RHBDF1: variants seen among roughly 807,000 people sequenced by gnomAD.
RHBDF1 encodes the protein rhomboid 5 homolog 1, also known as inactive rhomboid protein 1.
In RHBDF1, 80 loss-of-function variants were observed where a neutral mutation model predicts 98.6. The ratio of observed to expected loss-of-function variants is 0.81; its 90% CI spans 0.68 to 0.98. RHBDF1 has a LOEUF of 0.98. Ranked by LOEUF, RHBDF1 falls within the 50% of genes least tolerant of loss-of-function variation. The probability of loss-of-function intolerance (pLI) is 0.00; values close to 1 mark genes in which losing one functional copy is unlikely to be tolerated. For missense variants in RHBDF1, 1,116 were observed against 1,198.3 expected (o/e 0.93, Z 1.01); for synonymous variants, 512 against 486.8 (o/e 1.05, Z -0.68).
In RHBDF1 at chr16:62,019, C is replaced by G. The variant is rs544020672; in HGVS notation, c.987G>C (p.Glu329Asp). 2.6e-5 allele frequency: 39 copies of G among 1,527,312 alleles called. No individual in the cohort carries two copies. The African/African-American group carries it at 4.7e-4, about 18-fold the overall frequency. The allele number at this position is 1,527,312 out of a possible 1,614,324, so 94.6% of individuals were successfully genotyped here. A position where few individuals can be genotyped will look rare whatever the true frequency, so the allele number is the denominator to read the frequency against. The change falls in exon 8 of 18, where the codon GAG becomes GAC. Residue 329 changes from glutamate (E) to aspartate (D), a missense_variant. By Grantham distance (45) the Glu-to-Asp change is conservative. Coordinates refer to ENST00000262316, the MANE Select transcript of RHBDF1 (RefSeq NM_022450.5). ...PLERGWRKQKEGAAAPQPKVR... is the reference protein window; with the variant it reads ...PLERGWRKQKDGAAAPQPKVR... Reference sequence around the variant, plus strand: ...CCTTGGGCTGCGGGGCTGCGGCGCCCTCCTTCTGCTTCCGCCAGCCTCGCT... The same window carrying G: ...CCTTGGGCTGCGGGGCTGCGGCGCCGTCCTTCTGCTTCCGCCAGCCTCGCT...
rs553984729 is a variant in RHBDF1, at chr16:58,224, G to T, written c.*116C>A. 1.5e-5 allele frequency: 15 copies of T among 995,616 alleles called. No homozygotes were observed. The South Asian group carries it at 2.4e-4, about 16-fold the overall frequency. The allele number at this position is 995,616 out of a possible 1,614,324, so 61.7% of individuals were successfully genotyped here. A position where few individuals can be genotyped will look rare whatever the true frequency, so the allele number is the denominator to read the frequency against. ...GGCACAAGAAAGAGGTCTGTGTTCA[G>T]GAAACAGGCCAGTCCCCACATGGAG... is the stretch of plus-strand genomic sequence containing the variant. On this transcript the variant is annotated 3_prime_UTR_variant, in exon 18 of 18. Transcript: ENST00000262316.
At chr16:63,560 G>C in intron 4 of RHBDF1, 27 bp downstream of exon 4, 2 of 1,514,392 alleles carry the variant, frequency 1.3e-6, no homozygotes, top group Non-Finnish European at 1.8e-6. Context: ...GGAGGGGCCT[G>C]CAGGAGGCAG....
At chr16:63,321 C>T (rs1363717261) in intron 4 of RHBDF1, 139 bp from the exon 5 acceptor site, 4 of 747,414 alleles carry the variant, frequency 5.4e-6, no homozygotes, top group African/African-American at 1.8e-5. Flanking sequence ...GGCCACCACT[C>T]CCACCCCACA....
chr16:62,876 T>C lies in RHBDF1; in HGVS notation c.694A>G (p.Thr232Ala). ...LMKGRSVRDG[T>A]FRRAQRRSFT... ...CTTCGACGCTGTGCCCGGCGAAAGG[T>C]GCCATCCCTAACGGAGCGGCCCTGG... The change falls in exon 6 of 18, where the codon ACC becomes GCC. Residue 232 changes from threonine to alanine, a missense_variant. Transcript: ENST00000262316. 1 of 1,613,842 alleles carries C rather than the reference T, an allele frequency of 6.2e-7. No individual in the cohort carries two copies. The highest frequency in any genetic ancestry group is 8.5e-7 in the Non-Finnish European group (1 of 1,179,960).
upstream of RHBDF1, among the ~76,000 whole-genome samples, chr16:75,546 G>A (rs1429990524): frequency 6.6e-6 from 1 of 152,220 alleles, no homozygotes; most frequent in African/African-American, 2.4e-5. Flanking sequence ...GCCAGCCAGT[G>A]GCCTGAAGTC....
At chr16:74,483 C>T (rs1411578558), upstream of RHBDF1, among the ~76,000 whole-genome samples, 2 of 152,150 alleles carry the variant, frequency 1.3e-5, no homozygotes, top group Non-Finnish European at 2.9e-5. Context: ...TGGCTCAGAG[C>T]TGAAACCCCC....
chr16:64,515 G>C (rs1897768825), intron 3 of RHBDF1, 184 bp downstream of exon 3: 2 of 1,541,600 alleles, frequency 1.3e-6, no homozygotes, highest in Non-Finnish European at 8.8e-7. Context: ...GAGTGGAGCA[G>C]GGTAGTGGGG....
chr16:63,053 C>G lies in RHBDF1; in HGVS notation c.592G>C (p.Gly198Arg). The G allele has an allele frequency of 6.2e-7, 1 of 1,612,972 alleles. No individual in the cohort carries two copies. Among genetic ancestry groups the G allele is most frequent in the Non-Finnish European group, 8.5e-7 (1 of 1,179,816 alleles). ...CGCCGCCGCGGGAGCCGGTGGAAAC[C>G]TGAGCGGGAGCTGGAGAAGGAGCAG... ...SLCSFSSSRS[G>R]FHRLPRRRKR... is the part of the protein sequence containing the mutation. The change falls in exon 5 of 18, where the codon GGT (glycine) becomes CGT (arginine). Residue 198 changes from glycine to arginine, a missense_variant. By Grantham distance (125) the Gly-to-Arg change is moderately radical (BLOSUM62 -2). Transcript: ENST00000262316.
In RHBDF1 at chr16:62,593, C is replaced by T. The variant is rs774630076; in HGVS notation, c.898G>A (p.Asp300Asn). 6.2e-7 allele frequency: 1 copy of T among 1,613,748 alleles called. No homozygotes were observed. The highest frequency in any genetic ancestry group is 1.1e-5 in the South Asian group (1 of 91,090). ...CGGTCCAGGGCCCCGCCGGTGAGGT[C>T]CGCCTGCTCCGGTGCCTTCTCCCAG... The part of the protein sequence containing the change: ...KDWEKAPEQA[D>N]LTGGALDRSE... Residue 300 changes from aspartate (D) to asparagine (N), a missense_variant, in exon 7 of 18, where the codon GAC (aspartate) becomes AAC (asparagine). Asp to Asn is a conservative substitution (Grantham distance 23). Coordinates refer to ENST00000262316, the MANE Select transcript of RHBDF1 (RefSeq NM_022450.5).
chr16:58,496 G>T lies in RHBDF1; in HGVS notation c.2412C>A (p.Ile804=), dbSNP rs777894007. 1.2e-6 allele frequency: 2 copies of T among 1,614,094 alleles called. No homozygotes were observed. The highest frequency in any genetic ancestry group is 8.5e-7 in the Non-Finnish European group (1 of 1,180,032). ...KFDLYRKRCQ[I]IIFQVVFLGL... ...CCAGGAAGACCACCTGAAAGATGAT[G>T]ATCTGGCAGCGTTTCCGGTACAGGT... The change falls in exon 18 of 18, where the codon ATC becomes ATA. Residue 804 remains isoleucine (I), a synonymous_variant. Coordinates refer to ENST00000262316, the MANE Select transcript of RHBDF1 (RefSeq NM_022450.5).
At chr16:62,934 G>A (rs777640904) in intron 5 of RHBDF1, 37 bp from the exon 6 acceptor site, 3 of 1,612,754 alleles carry the variant, frequency 1.9e-6, no homozygotes, top group African/African-American at 1.3e-5. Context: ...CCCGGCTGCT[G>A]GGTCGGCCCC....
At chr16:73,970 C>T, upstream of RHBDF1, 1 of 984,946 alleles carries the variant, frequency 1.0e-6, no homozygotes, top group Non-Finnish European at 1.2e-6. Context: ...CTTGTCCATG[C>T]CACGGGATAG....
rs752211014 is a variant in RHBDF1 at position 58,425 on chromosome 16, C to T, written c.2483G>A (p.Arg828His). The T allele has an allele frequency of 1.4e-5, 23 of 1,613,894 alleles. No individual in the cohort carries two copies. Among genetic ancestry groups the T allele is most frequent in the African/African-American group, 4.0e-5 (3 of 74,936 alleles). The change falls in exon 18 of 18, where the codon CGC becomes CAC. Residue 828 changes from arginine to histidine, a missense_variant. Transcript: ENST00000262316. ...GGTGAGGAACTCACACCACTCACAG[C>T]GGACAGGATAGACGTAGAAGAGGAC... ...LVVLFYVYPV[R>H]CEWCEFLTCI...
At chr16:75,010 C>G (rs976432967), upstream of RHBDF1, 1 of 152,468 alleles carries the variant, frequency 6.6e-6, no homozygotes, top group Non-Finnish European at 1.5e-5. Flanking sequence ...GTGGTCTCTT[C>G]ACACGGACGC....
chr16:62,653 C>G lies in RHBDF1; in HGVS notation c.838G>C (p.Val280Leu). 6.2e-7 allele frequency: 1 copy of G among 1,614,138 alleles called. No individual in the cohort carries two copies. Among genetic ancestry groups the G allele is most frequent in the Non-Finnish European group, 8.5e-7 (1 of 1,180,038 alleles). The change falls in exon 7 of 18, where the codon GTT becomes CTT. Residue 280 changes from valine to leucine, a missense_variant. Physicochemically the swap from Val to Leu is conservative, Grantham distance 32. Coordinates refer to ENST00000262316, the MANE Select transcript of RHBDF1 (RefSeq NM_022450.5). ...GCTGCCTCCGATGGGGACTCGAAAA[C>G]TTCATCCGGGTATGTGGACAGCTCT... ...HEELSTYPDE[V>L]FESPSEAALK...
rs569885746 is a variant in RHBDF1, at chr16:65,037, G to C, written c.-22C>G. 4 of 1,502,766 alleles carry C rather than the reference G, an allele frequency of 2.7e-6. No individual in the cohort carries two copies. Among genetic ancestry groups the C allele is most frequent in the Non-Finnish European group, 3.5e-6 (4 of 1,128,256 alleles). 93.1% of individuals were successfully genotyped at this position (1,502,766 alleles called of 1,614,324 possible). A position where few individuals can be genotyped will look rare whatever the true frequency, so the allele number is the denominator to read the frequency against. On this transcript the variant is annotated splice_region_variant and 5_prime_UTR_variant, in exon 2 of 18. Coordinates refer to ENST00000262316, the MANE Select transcript of RHBDF1 (RefSeq NM_022450.5). ...TCATGGTTCCTGGCAGAGCAAGGCA[G>C]GCCTGCGGGGCATGGTGTGTTATTC... is the stretch of plus-strand genomic sequence containing the variant.
chr16:64,201 G>T, intron 3 of RHBDF1: 1 of 1,277,846 alleles, frequency 7.8e-7, no homozygotes, highest in Non-Finnish European at 1.0e-6. Flanking sequence ...ACTTGGACAT[G>T]CAAACAAAAA....
intron 1 of RHBDF1, 84 bp downstream of exon 1, chr16:72,429 G>A (rs1897998342): frequency 3.4e-5 from 21 of 626,272 alleles, no homozygotes; most frequent in Non-Finnish European, 3.7e-5. Context: ...GGCCCCGGGT[G>A]CTGAGGACTC....
chr16:73,671 A>G (rs762163026), upstream of RHBDF1, among the ~76,000 whole-genome samples: 1 of 152,004 alleles, frequency 6.6e-6, no homozygotes, highest in Non-Finnish European at 1.5e-5. Context: ...GGGTGCAGGG[A>G]TCCCTTCGTC....
Sources: allele counts gnomAD v4.1 joint callset (sites outside exome capture counted in the v4.1 genomes callset), GRCh38; gene constraint gnomAD v4.1.1; transcripts MANE v1.5; gene names NCBI Gene and HGNC (gene_info 2026-07-23, HGNC 2026-07-21).